Variants in RIN2 observed in about 807,000 individuals in gnomAD.
The protein encoded by RIN2 is Ras and Rab interactor 2.
In RIN2, 36 loss-of-function variants were observed where a neutral mutation model predicts 78.0. The ratio of observed to expected loss-of-function variants is 0.46; its 90% CI spans 0.35 to 0.61. The LOEUF (loss-of-function observed/expected upper bound fraction) is 0.61, where lower values mean the gene tolerates loss of function less well. RIN2 is among the 20% of genes least tolerant of loss of function. The pLI is 0.00. For missense variants in RIN2, 1,087 were observed against 1,159.7 expected (o/e 0.94, Z 0.91); for synonymous variants, 466 against 466.8 (o/e 1.00, Z 0.02).
chr20:19,872,005 T>G (rs927721574), intron 2 of RIN2: 8 of 152,230 alleles, frequency 5.3e-5, no homozygotes, highest in Non-Finnish European at 8.8e-5. Flanking sequence ...CACTCAAATC[T>G]CATCTTGAAT....
chr20:19,836,794 A>G (rs945854245), intron 2 of RIN2, among the ~76,000 whole-genome samples: 1 of 152,162 alleles, frequency 6.6e-6, no homozygotes, highest in Non-Finnish European at 1.5e-5. Context: ...TTTTACGTTT[A>G]TAGGTAACAT....
At chr20:19,884,154 C>T (rs1433276800) in intron 2 of RIN2, among the ~76,000 whole-genome samples, 2 of 151,616 alleles carry the variant, frequency 1.3e-5, no homozygotes, top group East Asian at 2.0e-4. Context: ...TGGTGGTTTA[C>T]GCCTGTAATC....
chr20:19,826,084 CATT>C (rs113836902), intron 2 of RIN2, among the ~76,000 whole-genome samples: 7,923 of 150,858 alleles, frequency 0.053, 218 homozygotes, highest in Middle Eastern at 0.066. Context: ...CTAATATATG[CATT>C]ATTATGGTTA....
At chr20:19,993,399 C>T (rs1187705659) in intron 11 of RIN2, among the ~76,000 whole-genome samples, 6 of 151,666 alleles carry the variant, frequency 4.0e-5, no homozygotes, top group Non-Finnish European at 8.8e-5. Context: ...TTTTACCACC[C>T]CCAGAATGTG....
At chr20:19,936,023 C>T (rs2040624306) in intron 4 of RIN2, among the ~76,000 whole-genome samples, 1 of 152,200 alleles carries the variant, frequency 6.6e-6, no homozygotes, top group Admixed American at 6.5e-5. Flanking sequence ...AGTCATGCAA[C>T]AGGCAGGCCA....
At chr20:19,823,369 G>A (rs2035985355) in intron 2 of RIN2, 1 of 614,988 alleles carries the variant, frequency 1.6e-6, no homozygotes, top group African/African-American at 1.9e-5. Context: ...GTGAATGGTG[G>A]TAACATCTGC....
intron 3 of RIN2, among the ~76,000 whole-genome samples, chr20:19,926,694 T>G (rs2040238169): frequency 6.6e-6 from 1 of 152,176 alleles, no homozygotes; most frequent in Non-Finnish European, 1.5e-5. Flanking sequence ...GTTGATGCAC[T>G]TGGGGAATGG....
chr20:19,890,700 A>AAAAAAAAAAAAAC, intron 3 of RIN2, among the ~76,000 whole-genome samples: 1 of 150,638 alleles, frequency 6.6e-6, no homozygotes, highest in African/African-American at 2.5e-5. Flanking sequence ...AAAAAAAAAA[A>AAAAAAAAAAAAAC]AAACCATCAG....
rs116049730 is a variant in RIN2, at chr20:19,989,094, T to A, written c.1763-912T>A. ...AGGCTATTCTGTTTAATAACTACAG[T>A]ATAATTATCAGACCTAGAAAATTAA... On this transcript the variant is annotated intron_variant, in intron 9 of 12. Coordinates refer to ENST00000255006, the MANE Select transcript of RIN2 (RefSeq NM_018993.4). Among the ~76,000 whole-genome samples, 488 of 152,254 alleles carry A rather than the reference T, an allele frequency of 3.2e-3. 2 individuals carry two copies. Among genetic ancestry groups the A allele is most frequent in the African/African-American group, 0.011 (463 of 41,534 alleles).
intron 3 of RIN2, among the ~76,000 whole-genome samples, chr20:19,894,731 T>C (rs2038640732): frequency 6.6e-6 from 1 of 152,218 alleles, no homozygotes; most frequent in Non-Finnish European, 1.5e-5. Flanking sequence ...CTCTTTTTCG[T>C]CATTATCCTC....
intron 2 of RIN2, among the ~76,000 whole-genome samples, chr20:19,866,317 C>T (rs1055285542): frequency 6.6e-6 from 1 of 152,160 alleles, no homozygotes; most frequent in Non-Finnish European, 1.5e-5. Flanking sequence ...GCTTCACTGC[C>T]TCACTCACTG....
intron 3 of RIN2, among the ~76,000 whole-genome samples, chr20:19,899,996 T>C (rs1347420422): frequency 6.6e-6 from 1 of 151,800 alleles, no homozygotes; most frequent in East Asian, 1.9e-4. Flanking sequence ...AATGAGTGAG[T>C]GGGCCTGGCA....
intron 2 of RIN2, among the ~76,000 whole-genome samples, chr20:19,817,379 G>T (rs993251254): frequency 9.9e-5 from 15 of 152,116 alleles, no homozygotes; most frequent in African/African-American, 3.1e-4. Context: ...GGGCAAACAA[G>T]CTCACTCAGG....
intron 4 of RIN2, among the ~76,000 whole-genome samples, chr20:19,954,489 G>A (rs1202596605): frequency 2.0e-5 from 3 of 152,178 alleles, no homozygotes; most frequent in Non-Finnish European, 2.9e-5. Flanking sequence ...AACCCAGAGC[G>A]AAGCTGCCTT....
chr20:19,847,834 G>C (rs141480792), intron 2 of RIN2, among the ~76,000 whole-genome samples: 1 of 152,060 alleles, frequency 6.6e-6, no homozygotes, highest in Admixed American at 6.6e-5. Context: ...ATATTCTACT[G>C]ATCAGTTCTG....
chr20:19,902,520 A>G (rs1045198096), intron 3 of RIN2, among the ~76,000 whole-genome samples: 2 of 152,190 alleles, frequency 1.3e-5, no homozygotes, highest in Non-Finnish European at 2.9e-5. Context: ...AAAGGCCACC[A>G]GGAGGACATC....
intron 5 of RIN2, among the ~76,000 whole-genome samples, chr20:19,959,825 C>A (rs1040910736): frequency 6.6e-6 from 1 of 152,176 alleles, no homozygotes; most frequent in Non-Finnish European, 1.5e-5. Context: ...AGAGTCACTT[C>A]ATTTGTAGGC....
chr20:19,999,023 G>A (rs749307117), intron 12 of RIN2, among the ~76,000 whole-genome samples: 3 of 152,116 alleles, frequency 2.0e-5, no homozygotes, highest in South Asian at 2.1e-4. Context: ...GAGTGTAACC[G>A]AAGAAGGAAA....
chr20:19,955,375 T>C (rs2041491905), intron 4 of RIN2, among the ~76,000 whole-genome samples: 1 of 152,162 alleles, frequency 6.6e-6, no homozygotes. Flanking sequence ...TCACTCCTGT[T>C]GTCCAGGCTG....
Sources: gnomAD v4.1 joint callset for allele counts (sites outside exome capture counted in the v4.1 genomes callset) on GRCh38, gnomAD v4.1.1 for gene constraint, MANE v1.5 for transcripts, NCBI Gene and HGNC (gene_info 2026-07-23, HGNC 2026-07-21) for gene names.